Variants in ATP10A observed in about 807,000 individuals in gnomAD.
ATP10A encodes the protein phospholipid-transporting ATPase VA.
In ATP10A, 111 loss-of-function variants were observed where a neutral mutation model predicts 147.8. That is an observed-to-expected ratio of 0.75 (90% confidence interval 0.64 to 0.88). The LOEUF is 0.88. ATP10A is among the 40% of genes least tolerant of loss of function. The pLI is 0.00. For missense variants in ATP10A, 1,927 were observed against 1,959.0 expected (o/e 0.98, Z 0.31); for synonymous variants, 875 against 841.6 (o/e 1.04, Z -0.69).
chr15:25,788,393 G>A lies in ATP10A; in HGVS notation c.450-7170C>T, dbSNP rs530540479. ...TGATCTGCAGAACGGGGGTCTGTAG[G>A]ATCGCTACAGTCTCCCCCAGCAGAC... On this transcript the variant is annotated intron_variant, in intron 1 of 20. Transcript: ENST00000555815. Among the ~76,000 whole-genome samples, 6 of 152,290 alleles carry A rather than the reference G, an allele frequency of 3.9e-5. No individual in the cohort carries two copies. In the South Asian group the frequency reaches 1.2e-3, roughly 32 times the overall value.
chr15:25,686,476 C>T lies in ATP10A; in HGVS notation c.3291+1227G>A, dbSNP rs1899717485. Among the ~76,000 whole-genome samples the T allele has an allele frequency of 1.9e-5, 2 of 107,108 alleles. 1 individual carries two copies. Among genetic ancestry groups the T allele is most frequent in the Non-Finnish European group, 3.4e-5 (2 of 59,580 alleles). 70.3% of individuals were successfully genotyped at this position (107,108 alleles called of 152,430 possible). ...ACTCCAGCCTGGGAGACAATAGTGA[C>T]ACCCTGTCTCAAAAAATAAAAATAA... On this transcript the variant is annotated intron_variant, in intron 16 of 20. Coordinates refer to ENST00000555815, the MANE Select transcript of ATP10A (RefSeq NM_024490.4).
intron 4 of ATP10A, among the ~76,000 whole-genome samples, chr15:25,726,938 T>C (rs1459581977): frequency 1.4e-5 from 2 of 146,026 alleles, no homozygotes; most frequent in East Asian, 2.1e-4. Flanking sequence ...GCGCCTGTAG[T>C]CCCAGCTACT....
rs116095308 is a variant in ATP10A at position 25,798,167 on chromosome 15, C to T, written c.450-16944G>A. Among the ~76,000 whole-genome samples the T allele has an allele frequency of 1.9e-3, 289 of 152,232 alleles. 2 individuals carry two copies. Among genetic ancestry groups the T allele is most frequent in the African/African-American group, 6.7e-3 (278 of 41,570 alleles). ...TCAGCTTCACTGACATAGGCAGTCTCAGCAATGAGAGCCCTGCCCTGGCAG... is the reference window on the plus strand; with the variant it reads ...TCAGCTTCACTGACATAGGCAGTCTTAGCAATGAGAGCCCTGCCCTGGCAG... On this transcript the variant is annotated intron_variant, in intron 1 of 20. Coordinates refer to ENST00000555815, the MANE Select transcript of ATP10A (RefSeq NM_024490.4).
At chr15:25,714,525 C>A (rs1302823947) in intron 9 of ATP10A, among the ~76,000 whole-genome samples, 1 of 152,078 alleles carries the variant, frequency 6.6e-6, no homozygotes, top group African/African-American at 2.4e-5. Flanking sequence ...AGTACTCCTT[C>A]CTTGAGATCG....
rs564272797 is a variant in ATP10A, at chr15:25,713,997, G to A, written c.2021C>T (p.Ala674Val). ...AIASNGYSSQ[A>V]DNWASELAQE... ...AGCAAGCTCCGAGGCCCAGTTGTCC[G>A]CCTGGCTGCTGTAGCCGTTGCTGGC... is the stretch of plus-strand genomic sequence containing the variant. The change falls in exon 10 of 21, where the codon GCG becomes GTG. Residue 674 changes from alanine (A) to valine (V), a missense_variant. Coordinates refer to ENST00000555815, the MANE Select transcript of ATP10A (RefSeq NM_024490.4). 9.3e-6 allele frequency: 15 copies of A among 1,609,660 alleles called. No individual in the cohort carries two copies. In the East Asian group the frequency reaches 1.1e-4, roughly 12 times the overall value.
chr15:25,673,331 G>A (rs1486790538), downstream of ATP10A, among the ~76,000 whole-genome samples: 2 of 152,194 alleles, frequency 1.3e-5, no homozygotes, highest in African/African-American at 4.8e-5. Flanking sequence ...AACAAGCGTC[G>A]AGGAGAGGTG....
At chr15:25,734,968 C>G (rs1441984852) in intron 3 of ATP10A, among the ~76,000 whole-genome samples, 1 of 148,158 alleles carries the variant, frequency 6.7e-6, no homozygotes, top group Non-Finnish European at 1.5e-5. Flanking sequence ...AGAAGCAGAT[C>G]GCTCCCACGC....
intron 2 of ATP10A, among the ~76,000 whole-genome samples, chr15:25,764,773 C>T (rs12437962): frequency 0.42 from 63,676 of 152,060 alleles, 13,708 homozygotes; most frequent in East Asian, 0.57. Context: ...ACCTGAAATA[C>T]AAAGGGTTAT....
At position 25,716,940 on chromosome 15, in the gene ATP10A, G is replaced by C; in HGVS notation, c.1582-16C>G. On this transcript the variant is annotated splice_polypyrimidine_tract_variant and intron_variant, in intron 8 of 20. Coordinates refer to ENST00000555815, the MANE Select transcript of ATP10A (RefSeq NM_024490.4). Reference sequence around the variant, plus strand: ...TATCCTTCTCCTGGGAGAAAGGGAGGCTGGCAGTGAGTCCCACCCAGTAGC... The same window carrying C: ...TATCCTTCTCCTGGGAGAAAGGGAGCCTGGCAGTGAGTCCCACCCAGTAGC... The C allele has an allele frequency of 6.5e-7, 1 of 1,543,666 alleles. No homozygotes were observed. The highest frequency in any genetic ancestry group is 2.3e-5 in the East Asian group (1 of 42,588).
downstream of ATP10A, among the ~76,000 whole-genome samples, chr15:25,674,277 A>G (rs989956049): frequency 2.0e-5 from 3 of 152,220 alleles, no homozygotes; most frequent in Non-Finnish European, 4.4e-5. Context: ...CAGAATAACC[A>G]TGGCAGCCTC....
At position 25,702,231 on chromosome 15, in the gene ATP10A, C is replaced by A. The variant is rs1262690379; in HGVS notation, c.2576-131G>T. Reference sequence around the variant, plus strand: ...ACAGCCCCTGTTGCCTGGGCCTTGCCAGGGGCTGGGCTGCCAGTTGTCTGC... The same window carrying A: ...ACAGCCCCTGTTGCCTGGGCCTTGCAAGGGGCTGGGCTGCCAGTTGTCTGC... On this transcript the variant is annotated intron_variant, in intron 12 of 20. Transcript: ENST00000555815. The A allele has an allele frequency of 3.2e-6, 3 of 941,020 alleles. No individual in the cohort carries two copies. In the African/African-American group the frequency reaches 5.0e-5, roughly 16 times the overall value. 58.3% of individuals were successfully genotyped at this position (941,020 alleles called of 1,614,324 possible).
intron 16 of ATP10A, among the ~76,000 whole-genome samples, chr15:25,684,503 T>G (rs1348503077): frequency 6.6e-6 from 1 of 152,060 alleles, no homozygotes; most frequent in Non-Finnish European, 1.5e-5. Context: ...CGGTGTATGG[T>G]GGTGAGTGGT....
In ATP10A at chr15:25,736,105, T is replaced by C; in HGVS notation, c.691A>G (p.Ile231Val). 3 of 1,613,416 alleles carry C rather than the reference T, an allele frequency of 1.9e-6. No homozygotes were observed. Among genetic ancestry groups the C allele is most frequent in the Non-Finnish European group, 2.5e-6 (3 of 1,180,028 alleles). ...EFNPLTFTSV[I>V]ECEKPNNDLS... Reference sequence around the variant, plus strand: ...TCGTTGTTTGGCTTCTCGCATTCGATCACGCTGGTGAACGTCAAAGGATTG... The same window carrying C: ...TCGTTGTTTGGCTTCTCGCATTCGACCACGCTGGTGAACGTCAAAGGATTG... Residue 231 changes from isoleucine (I) to valine (V), a missense_variant, in exon 3 of 21, where the codon ATC becomes GTC. By Grantham distance (29) the Ile-to-Val change is conservative (BLOSUM62 3). Coordinates refer to ENST00000555815, the MANE Select transcript of ATP10A (RefSeq NM_024490.4).
chr15:25,799,398 C>T (rs1021901620), intron 1 of ATP10A, among the ~76,000 whole-genome samples: 4 of 152,190 alleles, frequency 2.6e-5, no homozygotes, highest in Admixed American at 2.0e-4. Flanking sequence ...TGGGAATTTA[C>T]AGCCTCTAAA....
chr15:25,748,342 A>G (rs2140538387), intron 2 of ATP10A, among the ~76,000 whole-genome samples: 1 of 152,308 alleles, frequency 6.6e-6, no homozygotes, highest in East Asian at 1.9e-4. Flanking sequence ...AGAATTCAAG[A>G]TTGGTATGGC....
rs772948921 is a variant in ATP10A at position 25,716,906 on chromosome 15, C to T, written c.1600G>A (p.Asp534Asn). The T allele has an allele frequency of 1.9e-6, 3 of 1,588,466 alleles. No individual in the cohort carries two copies. Among genetic ancestry groups the T allele is most frequent in the Non-Finnish European group, 2.6e-6 (3 of 1,165,608 alleles). The change falls in exon 9 of 21, where the codon GAC becomes AAC. Residue 534 changes from aspartate (D) to asparagine (N), a missense_variant. Asp to Asn is a conservative substitution (Grantham distance 23). Transcript: ENST00000555815. The stretch of plus-strand genomic sequence containing the variant: ...CTCACCTTCTCCAGCAGCTTTGGGT[C>T]GGGCGTGATATCCTTCTCCTGGGAG... ...SSPMEKDITPDPKLLEKVSEC... is the reference protein window; with the variant it reads ...SSPMEKDITPNPKLLEKVSEC...
At chr15:25,736,030 CG>C in intron 3 of ATP10A, 25 bp downstream of exon 3, 2 of 1,571,952 alleles carry the variant, frequency 1.3e-6, no homozygotes, top group Non-Finnish European at 1.8e-6. Flanking sequence ...CAGAAGGATG[CG>C]CGCAGGCAGA....
At chr15:25,833,830 G>A (rs1230297385) in intron 1 of ATP10A, among the ~76,000 whole-genome samples, 1 of 152,120 alleles carries the variant, frequency 6.6e-6, no homozygotes, top group African/African-American at 2.4e-5. Flanking sequence ...AAATAAGCCG[G>A]GCGTGGTGGT....
At chr15:25,755,608 C>T (rs1888369968) in intron 2 of ATP10A, among the ~76,000 whole-genome samples, 1 of 152,130 alleles carries the variant, frequency 6.6e-6, no homozygotes, top group Admixed American at 6.5e-5. Context: ...AAGGGGCTGT[C>T]TCAAAGATTT....
Sources: allele counts gnomAD v4.1 joint callset (sites outside exome capture counted in the v4.1 genomes callset), GRCh38; gene constraint gnomAD v4.1.1; transcripts MANE v1.5; gene names NCBI Gene and HGNC (gene_info 2026-07-23, HGNC 2026-07-21).